AUTS2: variants seen among roughly 807,000 people sequenced by gnomAD.
The protein encoded by AUTS2 is activator of transcription and developmental regulator AUTS2.
A neutral mutation model predicts 112.4 loss-of-function variants in AUTS2; 17 were observed. That is an observed-to-expected ratio of 0.15 (90% CI 0.10 to 0.23). AUTS2 has a LOEUF of 0.23. AUTS2 is among the 10% of genes least tolerant of loss of function. The probability of loss-of-function intolerance (pLI) is 1.00; values close to 1 mark genes in which losing one functional copy is unlikely to be tolerated. For synonymous variants in AUTS2, 751 were observed against 702.7 expected, an observed-to-expected ratio of 1.07 and a Z score of -1.09; for missense variants, 1,510 against 1,701.6, an observed-to-expected ratio of 0.89 and a Z score of 1.98.
intron 4 of AUTS2, among the ~76,000 whole-genome samples, chr7:70,378,253 C>CT (rs1793208376): frequency 6.6e-6 from 1 of 152,166 alleles, no homozygotes; most frequent in Admixed American, 6.5e-5. Flanking sequence ...ATGAACATGT[C>CT]TAAGTCCTGC....
At chr7:70,352,670 T>A (rs1346077266) in intron 4 of AUTS2, among the ~76,000 whole-genome samples, 1 of 152,134 alleles carries the variant, frequency 6.6e-6, no homozygotes, top group Non-Finnish European at 1.5e-5. Flanking sequence ...CTGTGCCCTC[T>A]CAGAACTTAA....
At chr7:70,626,262 A>G (rs1286380663) in intron 5 of AUTS2, among the ~76,000 whole-genome samples, 2 of 140,426 alleles carry the variant, frequency 1.4e-5, no homozygotes, top group Non-Finnish European at 3.1e-5. Context: ...GGTGGCTCAC[A>G]CCTGTGATCC....
chr7:70,170,595 CTTTTTTTTT>C (rs398005103), intron 4 of AUTS2, among the ~76,000 whole-genome samples: 140 of 126,982 alleles, frequency 1.1e-3, no homozygotes, highest in Non-Finnish European at 1.9e-3. Context: ...GACACGTTAT[CTTTTTTTTT>C]TTTTTTTTTG....
chr7:70,616,461 C>T (rs1175362757), intron 5 of AUTS2, among the ~76,000 whole-genome samples: 2 of 152,178 alleles, frequency 1.3e-5, no homozygotes, highest in African/African-American at 2.4e-5. Flanking sequence ...GGGGCTGATG[C>T]AGCTGCCCGG....
chr7:70,750,561 C>T (rs892194270), intron 6 of AUTS2, among the ~76,000 whole-genome samples: 23 of 151,964 alleles, frequency 1.5e-4, no homozygotes, highest in African/African-American at 5.1e-4. Flanking sequence ...CCACCATGCC[C>T]GGATAACTTT....
chr7:69,830,514 T>C (rs1283078239), intron 1 of AUTS2, among the ~76,000 whole-genome samples: 2 of 152,230 alleles, frequency 1.3e-5, no homozygotes, highest in Non-Finnish European at 2.9e-5. Flanking sequence ...TTGTCTAAAA[T>C]TCCTAATATA....
intron 4 of AUTS2, among the ~76,000 whole-genome samples, chr7:70,295,737 TATCTC>T (rs1443134609): frequency 1.1e-4 from 17 of 152,304 alleles, no homozygotes; most frequent in African/African-American, 4.1e-4. Flanking sequence ...TTATTGTACT[TATCTC>T]AGGCATTAAT....
At chr7:69,860,444 T>G (rs528476939) in intron 1 of AUTS2, among the ~76,000 whole-genome samples, 1 of 152,322 alleles carries the variant, frequency 6.6e-6, no homozygotes, top group East Asian at 1.9e-4. Context: ...GTGTGTGTCC[T>G]TTCATGTCAC....
intron 1 of AUTS2, among the ~76,000 whole-genome samples, chr7:69,761,698 G>GA (rs1788192143): frequency 6.6e-6 from 1 of 152,144 alleles, no homozygotes; most frequent in South Asian, 2.1e-4. Flanking sequence ...ATTAACTTCA[G>GA]AAAATCCCCT....
rs1021415617 is a variant in AUTS2 at position 70,792,941 on chromosome 7, G to A, written c.*1945G>A. On this transcript the variant is annotated 3_prime_UTR_variant, in exon 19 of 19. Coordinates refer to ENST00000342771, the MANE Select transcript of AUTS2 (RefSeq NM_015570.4). The stretch of plus-strand genomic sequence containing the variant: ...GAAGAAGCCATACCTGTACAAGACC[G>A]GGCTCTTGAAAAGAAACACCTCGAA... 5 of 152,538 alleles carry A rather than the reference G, an allele frequency of 3.3e-5. No individual in the cohort carries two copies. Among genetic ancestry groups the A allele is most frequent in the South Asian group, 2.1e-4 (1 of 4,826 alleles). 9.4% of individuals were successfully genotyped at this position (152,538 alleles called of 1,614,324 possible). A position where few individuals can be genotyped will look rare whatever the true frequency, so the allele number is the denominator to read the frequency against.
rs962533262 is a variant in AUTS2 at position 70,260,258 on chromosome 7, CG to C, written c.660+125690del. ...TTGCGCACCTGTGGTCCCAGCTACT[CG>C]GGAGGCTGAGACAGGAGAATTATGT... On this transcript the variant is annotated intron_variant, in intron 4 of 18. Coordinates refer to ENST00000342771, the MANE Select transcript of AUTS2 (RefSeq NM_015570.4). 2.2e-4 allele frequency among the ~76,000 whole-genome samples: 33 copies of C among 151,856 alleles called. 1 individual carries two copies. The highest frequency in any genetic ancestry group is 1.2e-4 in the Non-Finnish European group (8 of 67,972).
At chr7:70,613,199 A>G (rs1804183774) in intron 5 of AUTS2, among the ~76,000 whole-genome samples, 1 of 151,458 alleles carries the variant, frequency 6.6e-6, no homozygotes, top group Admixed American at 6.6e-5. Context: ...GCAAGAGGAA[A>G]AAAGGTTGGA....
At chr7:70,532,675 C>A (rs11971065) in intron 5 of AUTS2, among the ~76,000 whole-genome samples, 12,932 of 152,214 alleles carry the variant, frequency 0.085, 634 homozygotes, top group African/African-American at 0.12. Context: ...TCAGACCAAC[C>A]CCATCACCTT....
In AUTS2 at chr7:70,740,033, A is replaced by G. The variant is rs532092399; in HGVS notation, c.743-22837A>G. Reference sequence around the variant, plus strand: ...TTCATCATCCTTTGAATGTGCTCCAACTCATGCACAGCCCCTTTAAAAGGA... The same window carrying G: ...TTCATCATCCTTTGAATGTGCTCCAGCTCATGCACAGCCCCTTTAAAAGGA... On this transcript the variant is annotated intron_variant, in intron 6 of 18. Coordinates refer to ENST00000342771, the MANE Select transcript of AUTS2 (RefSeq NM_015570.4). Among the ~76,000 whole-genome samples the G allele has an allele frequency of 1.3e-4, 20 of 152,158 alleles. 1 individual carries two copies. Among genetic ancestry groups the G allele is most frequent in the South Asian group, 1.0e-3 (5 of 4,810 alleles).
At chr7:69,646,883 G>A (rs1432674473) in intron 1 of AUTS2, among the ~76,000 whole-genome samples, 4 of 152,114 alleles carry the variant, frequency 2.6e-5, no homozygotes, top group Non-Finnish European at 5.9e-5. Flanking sequence ...TCAGGAGATC[G>A]AGACCATCCT....
At chr7:70,281,826 T>C (rs770696287) in intron 4 of AUTS2, among the ~76,000 whole-genome samples, 6 of 152,118 alleles carry the variant, frequency 3.9e-5, no homozygotes, top group Non-Finnish European at 8.8e-5. Flanking sequence ...TGTGAAAGGG[T>C]AAAGACTATG....
chr7:70,452,401 G>A (rs1051124086), intron 5 of AUTS2, among the ~76,000 whole-genome samples: 1 of 152,190 alleles, frequency 6.6e-6, no homozygotes, highest in Non-Finnish European at 1.5e-5. Flanking sequence ...GGAGGTTGCA[G>A]TGAGCTGAGA....
intron 5 of AUTS2, among the ~76,000 whole-genome samples, chr7:70,600,303 T>C (rs1196072893): frequency 6.6e-6 from 1 of 152,210 alleles, no homozygotes; most frequent in Non-Finnish European, 1.5e-5. Context: ...TGAGACGAAG[T>C]CTTGCTCTGT....
intron 5 of AUTS2, among the ~76,000 whole-genome samples, chr7:70,538,253 C>T (rs1436356359): frequency 6.6e-6 from 1 of 152,008 alleles, no homozygotes; most frequent in Non-Finnish European, 1.5e-5. Context: ...AGAGTCCAGG[C>T]GTGGTGGCTC....
Sources: gnomAD v4.1 joint callset for allele counts (sites outside exome capture counted in the v4.1 genomes callset) on GRCh38, gnomAD v4.1.1 for gene constraint, MANE v1.5 for transcripts, NCBI Gene and HGNC (gene_info 2026-07-23, HGNC 2026-07-21) for gene names.